Variants in RAD54B observed in about 807,000 individuals in gnomAD.
RAD54B encodes DNA repair and recombination protein RAD54B.
Under a neutral mutation model 95.8 loss-of-function variants are expected in RAD54B, and 78 were observed. That is an observed-to-expected ratio of 0.81 (90% CI 0.68 to 0.98). The LOEUF (loss-of-function observed/expected upper bound fraction) is 0.98. Among genes scored for constraint, RAD54B ranks in the 50% least tolerant of loss-of-function variants. The pLI is 0.00. For synonymous variants in RAD54B, 328 were observed against 354.9 expected (o/e 0.92, Z 0.85); for missense variants, 957 against 1,056.6 (o/e 0.91, Z 1.31).
intron 9 of RAD54B, 79 bp from the exon 10 acceptor site, chr8:94,391,978 G>C (rs1026836941): frequency 6.0e-6 from 8 of 1,329,802 alleles, no homozygotes; most frequent in Non-Finnish European, 8.2e-6. Context: ...ATTTCATAAT[G>C]ATAAACCATT....
chr8:94,378,131 G>A, intron 14 of RAD54B, 49 bp downstream of exon 14: 1 of 1,324,882 alleles, frequency 7.5e-7, no homozygotes. Flanking sequence ...CTGCTAACAA[G>A]AAATAAATTA....
At chr8:94,429,806 A>C in intron 3 of RAD54B, 1 of 985,400 alleles carries the variant, frequency 1.0e-6, no homozygotes, top group East Asian at 1.1e-4. Context: ...TTTTAATCCA[A>C]CCAATGAAAT....
intron 3 of RAD54B, among the ~76,000 whole-genome samples, chr8:94,442,576 G>GAAAAAA (rs531694623): frequency 2.2e-5 from 1 of 45,530 alleles, no homozygotes; most frequent in African/African-American, 8.2e-5. Context: ...CTCTGTCTCA[G>GAAAAAA]AAAAAAAAAA....
intron 14 of RAD54B, among the ~76,000 whole-genome samples, chr8:94,374,235 C>G (rs11996487): frequency 9.9e-5 from 15 of 151,392 alleles, no homozygotes; most frequent in Non-Finnish European, 1.0e-4. Flanking sequence ...GCCGAGATAG[C>G]GCCACTGCAC....
At chr8:94,388,210 C>A (rs530920257) in intron 10 of RAD54B, among the ~76,000 whole-genome samples, 1 of 152,292 alleles carries the variant, frequency 6.6e-6, no homozygotes, top group African/African-American at 2.4e-5. Flanking sequence ...TCTGCCACCA[C>A]CCCTGATACA....
chr8:94,415,680 A>T (rs1483924986), intron 3 of RAD54B, among the ~76,000 whole-genome samples: 1 of 147,122 alleles, frequency 6.8e-6, no homozygotes, highest in African/African-American at 2.5e-5. Context: ...AGAAAAAAAC[A>T]AACAACCCCA....
chr8:94,390,859 A>G (rs1811001825), intron 10 of RAD54B, among the ~76,000 whole-genome samples: 1 of 152,100 alleles, frequency 6.6e-6, no homozygotes, highest in Non-Finnish European at 1.5e-5. Flanking sequence ...AAATTCATTT[A>G]TATTTCATAT....
chr8:94,410,133 T>C (rs1811493767), intron 4 of RAD54B, among the ~76,000 whole-genome samples: 1 of 152,188 alleles, frequency 6.6e-6, no homozygotes, highest in African/African-American at 2.4e-5. Context: ...TTTGTGCCTT[T>C]ACATGTGCTA....
chr8:94,381,673 G>A (rs1404851685), intron 11 of RAD54B, among the ~76,000 whole-genome samples: 1 of 152,022 alleles, frequency 6.6e-6, no homozygotes, highest in East Asian at 1.9e-4. Flanking sequence ...TAACAGGAGA[G>A]CTGGAAGATA....
chr8:94,378,300 A>G lies in RAD54B; in HGVS notation c.2395T>C (p.Ser799Pro), dbSNP rs574833527. 23 of 1,613,872 alleles carry G rather than the reference A, an allele frequency of 1.4e-5. No individual in the cohort carries two copies. The highest frequency in any genetic ancestry group is 1.9e-5 in the Non-Finnish European group (23 of 1,179,934). ...CGAVVDLTKTSEHIQFSVEEL... is the reference protein window; with the variant it reads ...CGAVVDLTKTPEHIQFSVEEL... ...TCTACTGAAAACTGAATATGTTCAGATGTCTTGGTGAGGTCGACAACTGCC... is the reference window on the plus strand; with the variant it reads ...TCTACTGAAAACTGAATATGTTCAGGTGTCTTGGTGAGGTCGACAACTGCC... The change falls in exon 14 of 15, where the codon TCT (serine) becomes CCT (proline). Residue 799 changes from serine (S) to proline (P), a missense_variant. By Grantham distance (74) the Ser-to-Pro change is moderately conservative (BLOSUM62 -1). Transcript: ENST00000336148.
chr8:94,419,701 G>A (rs569974900), intron 3 of RAD54B, among the ~76,000 whole-genome samples: 1 of 143,396 alleles, frequency 7.0e-6, no homozygotes, highest in South Asian at 2.2e-4. Flanking sequence ...AATAAACCCA[G>A]GTCATTTAAA....
chr8:94,448,747 C>T (rs1212416721), intron 3 of RAD54B, among the ~76,000 whole-genome samples: 1 of 147,652 alleles, frequency 6.8e-6, no homozygotes, highest in African/African-American at 2.5e-5. Flanking sequence ...ACAGTGGTTA[C>T]TAGAACAGAA....
chr8:94,372,077 A>G lies in RAD54B; in HGVS notation c.*93T>C. 5.4e-6 allele frequency: 8 copies of G among 1,479,328 alleles called. No individual in the cohort carries two copies. The highest frequency in any genetic ancestry group is 7.1e-6 in the Non-Finnish European group (8 of 1,122,138). 91.6% of individuals were successfully genotyped at this position (1,479,328 alleles called of 1,614,324 possible). On this transcript the variant is annotated 3_prime_UTR_variant, in exon 15 of 15. Transcript: ENST00000336148. ...GATATATTTTGCAACATATACTGTA[A>G]TTTAAATAATTCTATTAATTTTCAA... is the stretch of plus-strand genomic sequence containing the variant.
intron 3 of RAD54B, among the ~76,000 whole-genome samples, chr8:94,417,527 A>G (rs531131011): frequency 1.3e-4 from 20 of 152,018 alleles, no homozygotes; most frequent in Non-Finnish European, 7.4e-5. Flanking sequence ...AAAGATATAG[A>G]GCAACTGAAA....
chr8:94,420,185 A>C (rs1410088465), intron 3 of RAD54B, among the ~76,000 whole-genome samples: 1 of 152,110 alleles, frequency 6.6e-6, no homozygotes, highest in African/African-American at 2.4e-5. Flanking sequence ...CCTGTCATTA[A>C]GCAACATGAT....
chr8:94,386,491 GT>G (rs1246413439), intron 11 of RAD54B, among the ~76,000 whole-genome samples: 4 of 151,934 alleles, frequency 2.6e-5, no homozygotes, highest in African/African-American at 9.7e-5. Context: ...ATATAAATTT[GT>G]TTCAATATTA....
At chr8:94,455,896 A>C (rs1812768320) in intron 3 of RAD54B, among the ~76,000 whole-genome samples, 1 of 152,148 alleles carries the variant, frequency 6.6e-6, no homozygotes, top group South Asian at 2.1e-4. Context: ...GTATGACTTT[A>C]TCTTGATTAC....
At chr8:94,458,862 A>T (rs990805849) in intron 2 of RAD54B, among the ~76,000 whole-genome samples, 8 of 152,016 alleles carry the variant, frequency 5.3e-5, no homozygotes, top group African/African-American at 1.9e-4. Context: ...GTGAGACTCC[A>T]TCTAAAAAAA....
chr8:94,386,186 A>T (rs865994913), intron 11 of RAD54B, among the ~76,000 whole-genome samples: 1 of 152,184 alleles, frequency 6.6e-6, no homozygotes, highest in African/African-American at 2.4e-5. Flanking sequence ...GTACCAGAAA[A>T]ATGAGGATGG....
Sources: gnomAD v4.1 joint callset for allele counts (sites outside exome capture counted in the v4.1 genomes callset) on GRCh38, gnomAD v4.1.1 for gene constraint, MANE v1.5 for transcripts, NCBI Gene and HGNC (gene_info 2026-07-23, HGNC 2026-07-21) for gene names.